STK32B: variants seen among roughly 807,000 people sequenced by gnomAD.
The protein encoded by STK32B is serine/threonine-protein kinase 32B.
A neutral mutation model predicts 52.6 loss-of-function variants in STK32B; 43 were observed. The ratio of observed to expected loss-of-function variants is 0.82; its 90% confidence interval spans 0.64 to 1.05. The LOEUF (loss-of-function observed/expected upper bound fraction) is 1.05, where lower values mean the gene tolerates loss of function less well. Among genes scored for constraint, STK32B ranks in the 50% least tolerant of loss-of-function variants. STK32B has a pLI of 0.00. For synonymous variants in STK32B, 238 were observed against 204.3 expected, an observed-to-expected ratio of 1.17 and a Z score of -1.41; for missense variants, 621 against 534.6, an observed-to-expected ratio of 1.16 and a Z score of -1.59.
intron 5 of STK32B, 124 bp from the exon 6 acceptor site, chr4:5,416,721 G>A (rs918506780): frequency 6.5e-5 from 44 of 678,276 alleles, no homozygotes; most frequent in Admixed American, 2.9e-4. Flanking sequence ...TATCAGATAC[G>A]ATAGTATTAT....
intron 3 of STK32B, among the ~76,000 whole-genome samples, chr4:5,242,543 T>C (rs1725110732): frequency 6.6e-6 from 1 of 152,310 alleles, no homozygotes; most frequent in Non-Finnish European, 1.5e-5. Flanking sequence ...TTCACTCTGA[T>C]GGTGGTTTCT....
chr4:5,430,661 G>A (rs1022533689), intron 6 of STK32B, among the ~76,000 whole-genome samples: 5 of 152,136 alleles, frequency 3.3e-5, no homozygotes, highest in Admixed American at 2.0e-4. Flanking sequence ...GTTTATGCCT[G>A]GAAATGGACA....
At chr4:5,431,619 AT>A (rs1713593019) in intron 6 of STK32B, among the ~76,000 whole-genome samples, 1 of 151,994 alleles carries the variant, frequency 6.6e-6, no homozygotes, top group Non-Finnish European at 1.5e-5. Flanking sequence ...GTATTTACTC[AT>A]TAGCCAATTA....
chr4:5,376,943 C>G (rs1735626125), intron 4 of STK32B, among the ~76,000 whole-genome samples: 1 of 152,154 alleles, frequency 6.6e-6, no homozygotes, highest in South Asian at 2.1e-4. Context: ...CCCAGGGCCT[C>G]TGCCCCTGCT....
intron 3 of STK32B, among the ~76,000 whole-genome samples, chr4:5,304,310 G>A (rs942516866): frequency 6.6e-6 from 1 of 152,084 alleles, no homozygotes; most frequent in African/African-American, 2.4e-5. Flanking sequence ...CCATCTATGA[G>A]CATGGGATGT....
intron 3 of STK32B, among the ~76,000 whole-genome samples, chr4:5,204,655 A>G (rs989799037): frequency 6.6e-6 from 1 of 151,986 alleles, no homozygotes; most frequent in African/African-American, 2.4e-5. Context: ...TTTTTAGTAG[A>G]AATGGGGTTT....
chr4:5,265,248 C>A (rs1726984609), intron 3 of STK32B, among the ~76,000 whole-genome samples: 1 of 152,190 alleles, frequency 6.6e-6, no homozygotes, highest in South Asian at 2.1e-4. Flanking sequence ...ATTACACCAC[C>A]TGACAGGTGA....
chr4:5,212,453 G>A (rs1722962400), intron 3 of STK32B, among the ~76,000 whole-genome samples: 1 of 152,158 alleles, frequency 6.6e-6, no homozygotes, highest in Admixed American at 6.5e-5. Flanking sequence ...TTTCTGCACT[G>A]AGGTGACTAT....
At chr4:5,199,386 A>G (rs1267310530) in intron 3 of STK32B, among the ~76,000 whole-genome samples, 1 of 152,238 alleles carries the variant, frequency 6.6e-6, no homozygotes, top group South Asian at 2.1e-4. Flanking sequence ...CTTTGTTGCT[A>G]TGTGACCATG....
At chr4:5,212,217 A>G (rs1722948791) in intron 3 of STK32B, among the ~76,000 whole-genome samples, 1 of 152,194 alleles carries the variant, frequency 6.6e-6, no homozygotes, top group South Asian at 2.1e-4. Flanking sequence ...AGATGTGATT[A>G]TTATAGACAT....
chr4:5,486,505 G>C (rs1241258341), intron 11 of STK32B, among the ~76,000 whole-genome samples: 1 of 152,242 alleles, frequency 6.6e-6, no homozygotes, highest in East Asian at 1.9e-4. Flanking sequence ...GACTAGGAAA[G>C]GGAATTCCCT....
intron 3 of STK32B, among the ~76,000 whole-genome samples, chr4:5,253,048 A>G (rs1726049229): frequency 1.3e-5 from 2 of 152,174 alleles, no homozygotes; most frequent in South Asian, 4.1e-4. Context: ...AAGATCTATT[A>G]AAATAATTCC....
intron 2 of STK32B, among the ~76,000 whole-genome samples, chr4:5,164,906 T>C (rs1718752598): frequency 1.3e-5 from 2 of 152,214 alleles, no homozygotes; most frequent in African/African-American, 2.4e-5. Context: ...TTTTAGCCTC[T>C]ATCTCCTGGT....
At chr4:5,217,072 C>T (rs142926685) in intron 3 of STK32B, among the ~76,000 whole-genome samples, 11 of 152,272 alleles carry the variant, frequency 7.2e-5, no homozygotes, top group African/African-American at 1.9e-4. Context: ...TCAGCAAAAC[C>T]GAACTTATGT....
intron 3 of STK32B, among the ~76,000 whole-genome samples, chr4:5,299,012 G>A (rs1284237999): frequency 6.6e-6 from 1 of 151,914 alleles, no homozygotes; most frequent in East Asian, 2.0e-4. Context: ...TGTCGCTCAC[G>A]GCACAGTCCC....
At chr4:5,091,579 C>T (rs747401275) in intron 1 of STK32B, among the ~76,000 whole-genome samples, 40 of 151,806 alleles carry the variant, frequency 2.6e-4, no homozygotes, top group Non-Finnish European at 5.3e-4. Flanking sequence ...GAAATATTGG[C>T]GATAATGTGG....
intron 3 of STK32B, among the ~76,000 whole-genome samples, chr4:5,188,252 G>A (rs1720901106): frequency 6.6e-6 from 1 of 152,150 alleles, no homozygotes; most frequent in African/African-American, 2.4e-5. Context: ...CTCGATGACC[G>A]AGCAATTTTA....
chr4:5,404,651 A>G (rs1206414508), intron 5 of STK32B, among the ~76,000 whole-genome samples: 3 of 150,550 alleles, frequency 2.0e-5, no homozygotes, highest in East Asian at 3.9e-4. Context: ...TAATCTACCA[A>G]CCTCCGAGAA....
intron 4 of STK32B, among the ~76,000 whole-genome samples, chr4:5,385,031 T>G (rs28684570): frequency 0.37 from 56,324 of 151,652 alleles, 13,337 homozygotes; most frequent in African/African-American, 0.67. Flanking sequence ...AACCCTCGAG[T>G]CGTGGTGGGA....
Sources: allele counts gnomAD v4.1 joint callset (sites outside exome capture counted in the v4.1 genomes callset), GRCh38; gene constraint gnomAD v4.1.1; transcripts MANE v1.5; gene names NCBI Gene and HGNC (gene_info 2026-07-23, HGNC 2026-07-21).